The following CADPS variants were observed in gnomAD, a reference collection of about 807,000 sequenced individuals.
CADPS encodes calcium dependent secretion activator.
In CADPS, 57 loss-of-function variants were observed where a neutral mutation model predicts 167.3. The observed-to-expected ratio is 0.34, with a 90% CI of 0.28 to 0.42. The LOEUF is 0.42. CADPS is among the 20% of genes least tolerant of loss of function. The pLI, the probability that CADPS is intolerant of heterozygous loss-of-function variation, is 1.00. For synonymous variants in CADPS, 676 were observed against 635.3 expected, an observed-to-expected ratio of 1.06 and a Z score of -0.96; for missense variants, 1,414 against 1,738.1, an observed-to-expected ratio of 0.81 and a Z score of 3.32.
intron 13 of CADPS, 105 bp downstream of exon 13, chr3:62,532,766 A>G: frequency 1.1e-6 from 1 of 899,230 alleles, no homozygotes; most frequent in East Asian, 2.6e-5. Flanking sequence ...TGCACATACC[A>G]CCGAAGGAAT....
At chr3:62,740,169 A>G (rs2079894270) in intron 3 of CADPS, among the ~76,000 whole-genome samples, 1 of 152,174 alleles carries the variant, frequency 6.6e-6, no homozygotes, top group Admixed American at 6.5e-5. Flanking sequence ...TTGTGAGTTC[A>G]GTTAGATTTG....
intron 3 of CADPS, among the ~76,000 whole-genome samples, chr3:62,733,481 C>G (rs1395639276): frequency 6.6e-6 from 1 of 152,132 alleles, no homozygotes; most frequent in Admixed American, 6.5e-5. Context: ...ATAATTGATA[C>G]TTTTGTACAG....
At chr3:62,772,279 C>T (rs2089064908) in intron 1 of CADPS, among the ~76,000 whole-genome samples, 1 of 151,934 alleles carries the variant, frequency 6.6e-6, no homozygotes, top group Non-Finnish European at 1.5e-5. Flanking sequence ...CTTTCTTGGC[C>T]CTTCTAGTTT....
At position 62,493,524 on chromosome 3, in the gene CADPS, G is replaced by T. The variant is rs189610648; in HGVS notation, c.2727+121C>A. The stretch of plus-strand genomic sequence containing the variant: ...TATGGAAAAATTCCATAAATGAAAG[G>T]GTTTGTTCAATGGCCAAGCTCTTCT... On this transcript the variant is annotated intron_variant, in intron 19 of 29. Coordinates refer to ENST00000383710, the MANE Select transcript of CADPS (RefSeq NM_003716.4). The T allele has an allele frequency of 2.6e-3, 1,740 of 681,664 alleles. 2 individuals are homozygous for T. Among genetic ancestry groups the T allele is most frequent in the Non-Finnish European group, 3.5e-3 (1,432 of 405,198 alleles). 42.2% of individuals were successfully genotyped at this position (681,664 alleles called of 1,614,324 possible).
chr3:62,477,388 G>C (rs993219608), intron 23 of CADPS, among the ~76,000 whole-genome samples: 1 of 151,628 alleles, frequency 6.6e-6, no homozygotes, highest in Non-Finnish European at 1.5e-5. Context: ...ATGTGTATCT[G>C]GGGGTAGACA....
rs140896848 is a variant in CADPS, at chr3:62,874,531, A to G, written c.441+58T>C. 43,552 of 1,353,936 alleles carry G rather than the reference A, an allele frequency of 0.032. 890 individuals are homozygous for G. The highest frequency in any genetic ancestry group is 0.073 in the South Asian group (5,576 of 76,480). The allele number at this position is 1,353,936 out of a possible 1,614,324, so 83.9% of individuals were successfully genotyped here. On this transcript the variant is annotated intron_variant, in intron 1 of 29. Transcript: ENST00000383710. This position sits in a 1 kb window ranked among gnomAD's most constrained non-coding sequence, Gnocchi z 7.1. ...GCTGCGCCGCCAGCTCCCATTGTTCACCCCGCCCGCCTGGCGACGTCCGGG... is the reference window on the plus strand; with the variant it reads ...GCTGCGCCGCCAGCTCCCATTGTTCGCCCCGCCCGCCTGGCGACGTCCGGG...
At chr3:62,430,797 A>G (rs2053766148) in intron 28 of CADPS, among the ~76,000 whole-genome samples, 1 of 152,004 alleles carries the variant, frequency 6.6e-6, no homozygotes. Context: ...TTTCCCTCCA[A>G]CTTGTCTCCA....
At chr3:62,868,469 G>A (rs2082087859) in intron 1 of CADPS, among the ~76,000 whole-genome samples, 1 of 152,044 alleles carries the variant, frequency 6.6e-6, no homozygotes, top group African/African-American at 2.4e-5. Context: ...GCCCAGTGTT[G>A]TCATATCTTC....
chr3:62,411,905 A>G (rs535691828), intron 28 of CADPS, among the ~76,000 whole-genome samples: 1 of 152,326 alleles, frequency 6.6e-6, no homozygotes, highest in Admixed American at 6.5e-5. Context: ...GAAAGATACA[A>G]TCTTCTGCCT....
chr3:62,588,297 CT>C (rs34533495), intron 7 of CADPS, among the ~76,000 whole-genome samples: 1,469 of 139,798 alleles, frequency 0.011, 23 homozygotes, highest in African/African-American at 0.015. Context: ...CCAGGTCTTT[CT>C]TTTTTTTTTT....
intron 3 of CADPS, among the ~76,000 whole-genome samples, chr3:62,723,528 G>A (rs911647046): frequency 1.5e-4 from 23 of 152,006 alleles, no homozygotes; most frequent in Non-Finnish European, 2.6e-4. Flanking sequence ...GCTGTCAGAG[G>A]ACTACACAGG....
At chr3:62,838,792 C>T (rs916145128) in intron 1 of CADPS, among the ~76,000 whole-genome samples, 1 of 152,078 alleles carries the variant, frequency 6.6e-6, no homozygotes, top group African/African-American at 2.4e-5. Context: ...TTGCTTAGGT[C>T]CCAGATTACT....
intron 26 of CADPS, 89 bp from the exon 27 acceptor site, chr3:62,445,886 C>T (rs2057141424): frequency 3.4e-6 from 3 of 879,588 alleles, no homozygotes; most frequent in Non-Finnish European, 4.9e-6. Flanking sequence ...AGAATCAAAA[C>T]AACATGCTGG....
chr3:62,562,257 T>G (rs2152386337), intron 9 of CADPS, among the ~76,000 whole-genome samples: 1 of 152,254 alleles, frequency 6.6e-6, no homozygotes, highest in East Asian at 1.9e-4. Context: ...TGTGATGTAG[T>G]TGCGAATGAA....
At chr3:62,806,025 C>T (rs2094070615) in intron 1 of CADPS, among the ~76,000 whole-genome samples, 1 of 152,108 alleles carries the variant, frequency 6.6e-6, no homozygotes, top group Non-Finnish European at 1.5e-5. Flanking sequence ...CTTTTCCTTG[C>T]TCTGTCCAAC....
At chr3:62,672,096 T>C (rs2075632315) in intron 3 of CADPS, among the ~76,000 whole-genome samples, 1 of 151,966 alleles carries the variant, frequency 6.6e-6, no homozygotes, top group African/African-American at 2.4e-5. Context: ...TTTAAAACCC[T>C]CCGAGTGATT....
At chr3:62,562,878 A>C (rs773374775) in intron 9 of CADPS, among the ~76,000 whole-genome samples, 3 of 152,396 alleles carry the variant, frequency 2.0e-5, no homozygotes, top group South Asian at 2.1e-4. Context: ...ACTGGGCCAA[A>C]GAAAGCTAAC....
chr3:62,466,260 T>C (rs6445273), intron 25 of CADPS, 79 bp downstream of exon 25: 93,939 of 956,018 alleles, frequency 0.098, 10,683 homozygotes, highest in African/African-American at 0.51. Context: ...AACTTTTTAA[T>C]GTGTTACATT....
At chr3:62,635,883 A>G (rs372131121) in intron 6 of CADPS, among the ~76,000 whole-genome samples, 1 of 152,300 alleles carries the variant, frequency 6.6e-6, no homozygotes, top group East Asian at 1.9e-4. Flanking sequence ...TCATCTTTAC[A>G]TGTAAGCATT....
Sources: gnomAD v4.1 joint callset for allele counts (sites outside exome capture counted in the v4.1 genomes callset) on GRCh38, gnomAD v4.1.1 for gene constraint, Gnocchi (gnomAD v3.1) non-coding constraint, MANE v1.5 for transcripts, NCBI Gene and HGNC (gene_info 2026-07-23, HGNC 2026-07-21) for gene names.